Variants in XYLT1 observed in about 807,000 individuals in gnomAD.
XYLT1 encodes the protein beta-D-xylosyltransferase 1.
Under a neutral mutation model 91.3 loss-of-function variants are expected in XYLT1, and 36 were observed. The observed-to-expected ratio is 0.39, with a 90% CI of 0.30 to 0.52. The LOEUF (loss-of-function observed/expected upper bound fraction) is 0.52. Ranked by LOEUF, XYLT1 falls within the 20% of genes least tolerant of loss-of-function variation. The pLI, the probability that XYLT1 is intolerant of heterozygous loss-of-function variation, is 0.68. For missense variants in XYLT1, 1,242 were observed against 1,284.5 expected, an observed-to-expected ratio of 0.97 and a Z score of 0.51; for synonymous variants, 588 against 532.0, an observed-to-expected ratio of 1.11 and a Z score of -1.45.
chr16:17,300,902 C>T (rs1197676228), intron 2 of XYLT1, among the ~76,000 whole-genome samples: 3 of 152,034 alleles, frequency 2.0e-5, no homozygotes, highest in Non-Finnish European at 4.4e-5. Context: ...CTTTAAGCAC[C>T]GTCTAGAGCA....
Position 17,268,667 on chromosome 16 carries a change from CT to C in XYLT1, c.403-9170del, listed in dbSNP as rs56389780. 5.0e-3 allele frequency among the ~76,000 whole-genome samples: 687 copies of C among 138,024 alleles called. 2 individuals carry two copies. The highest frequency in any genetic ancestry group is 0.011 in the Middle Eastern group (3 of 270). 90.5% of individuals were successfully genotyped at this position (138,024 alleles called of 152,430 possible). The stretch of plus-strand genomic sequence containing the variant: ...AGAAATCGAAGTTGAGTGATAAATA[CT>C]TTTTTTTTTTTTTTTTTTCTGAGAC... On this transcript the variant is annotated intron_variant, in intron 2 of 11. Transcript: ENST00000261381.
chr16:17,242,908 C>T (rs1434625059), intron 3 of XYLT1, among the ~76,000 whole-genome samples: 1 of 152,222 alleles, frequency 6.6e-6, no homozygotes, highest in Non-Finnish European at 1.5e-5. Context: ...AGCGTGAAGT[C>T]CCCCAGGTGC....
chr16:17,272,153 GTTTTTTTTTT>G (rs35561235), intron 2 of XYLT1, among the ~76,000 whole-genome samples: 1 of 80,312 alleles, frequency 1.2e-5, no homozygotes, highest in African/African-American at 5.7e-5. Flanking sequence ...TTTGTTGTTG[GTTTTTTTTTT>G]TTTTTTTTTT....
chr16:17,435,837 T>C (rs998141726), intron 1 of XYLT1, among the ~76,000 whole-genome samples: 2 of 152,186 alleles, frequency 1.3e-5, no homozygotes, highest in African/African-American at 2.4e-5. Context: ...TACTGAAGAA[T>C]TTGTATGTAC....
intron 5 of XYLT1, among the ~76,000 whole-genome samples, chr16:17,162,913 G>A (rs1051735692): frequency 6.6e-6 from 1 of 152,200 alleles, no homozygotes; most frequent in Non-Finnish European, 1.5e-5. Context: ...GACTATGAAT[G>A]AATTACTTTC....
chr16:17,268,659 G>A lies in XYLT1; in HGVS notation c.403-9161C>T, dbSNP rs982445712. 2.5e-4 allele frequency among the ~76,000 whole-genome samples: 38 copies of A among 149,034 alleles called. 1 individual carries two copies. The highest frequency in any genetic ancestry group is 8.9e-4 in the African/African-American group (36 of 40,384). ...GAACAGATAGAAATCGAAGTTGAGT[G>A]ATAAATACTTTTTTTTTTTTTTTTT... is the stretch of plus-strand genomic sequence containing the variant. On this transcript the variant is annotated intron_variant, in intron 2 of 11. Coordinates refer to ENST00000261381, the MANE Select transcript of XYLT1 (RefSeq NM_022166.4).
intron 1 of XYLT1, among the ~76,000 whole-genome samples, chr16:17,438,724 T>C (rs1034708276): frequency 2.0e-5 from 3 of 152,034 alleles, no homozygotes; most frequent in African/African-American, 7.3e-5. Context: ...AGCAAGCATA[T>C]GGTGGCAGGA....
chr16:17,194,403 G>A (rs2032383757), intron 5 of XYLT1, among the ~76,000 whole-genome samples: 2 of 152,208 alleles, frequency 1.3e-5, no homozygotes. Flanking sequence ...CAATGCGCAT[G>A]CCTACCTGGC....
intron 5 of XYLT1, among the ~76,000 whole-genome samples, chr16:17,178,805 C>T (rs1249585726): frequency 2.6e-5 from 4 of 152,166 alleles, no homozygotes; most frequent in Admixed American, 6.5e-5. Context: ...CGTGGTGGCT[C>T]ATGCCTGTAA....
intron 3 of XYLT1, among the ~76,000 whole-genome samples, chr16:17,252,211 G>A (rs1476513913): frequency 1.3e-5 from 2 of 152,124 alleles, no homozygotes; most frequent in Non-Finnish European, 2.9e-5. Flanking sequence ...TATATGCATT[G>A]TCTCATTTCA....
At chr16:17,146,137 C>A (rs1244752152) in intron 6 of XYLT1, among the ~76,000 whole-genome samples, 1 of 151,694 alleles carries the variant, frequency 6.6e-6, no homozygotes, top group Non-Finnish European at 1.5e-5. Flanking sequence ...CACTGACATT[C>A]ACTCAGGGGA....
At chr16:17,289,456 T>C (rs1452490430) in intron 2 of XYLT1, among the ~76,000 whole-genome samples, 3 of 152,216 alleles carry the variant, frequency 2.0e-5, no homozygotes, top group Non-Finnish European at 4.4e-5. Flanking sequence ...CAAGTACCTC[T>C]CAACTCAAGG....
At chr16:17,423,061 C>T (rs1322811460) in intron 1 of XYLT1, among the ~76,000 whole-genome samples, 2 of 152,166 alleles carry the variant, frequency 1.3e-5, no homozygotes, top group African/African-American at 2.4e-5. Context: ...CCTTCAATAA[C>T]GATGACTTAA....
chr16:17,327,019 A>C (rs1298705947), intron 2 of XYLT1, among the ~76,000 whole-genome samples: 1 of 152,186 alleles, frequency 6.6e-6, no homozygotes, highest in African/African-American at 2.4e-5. Context: ...CCAAGGACAA[A>C]CACCACCAAC....
At chr16:17,408,823 G>T (rs1007329292) in intron 1 of XYLT1, among the ~76,000 whole-genome samples, 1 of 152,042 alleles carries the variant, frequency 6.6e-6, no homozygotes, top group South Asian at 2.1e-4. Context: ...ACTCCAGCCC[G>T]GGCAACAAGA....
At chr16:17,465,881 CTA>C (rs746847493) in intron 1 of XYLT1, among the ~76,000 whole-genome samples, 1 of 152,158 alleles carries the variant, frequency 6.6e-6, no homozygotes, top group Non-Finnish European at 1.5e-5. Context: ...TCATACAGCC[CTA>C]TGAGGTAGCT....
At chr16:17,335,751 T>C (rs2034971348) in intron 2 of XYLT1, among the ~76,000 whole-genome samples, 1 of 151,912 alleles carries the variant, frequency 6.6e-6, no homozygotes, top group African/African-American at 2.4e-5. Context: ...GCCCTATCCA[T>C]GTAATGTCTG....
At chr16:17,206,557 G>GC (rs1567322791) in intron 3 of XYLT1, among the ~76,000 whole-genome samples, 1 of 152,088 alleles carries the variant, frequency 6.6e-6, no homozygotes, top group Admixed American at 6.5e-5. Flanking sequence ...GCTATCAGAT[G>GC]CATGTCAAAT....
intron 11 of XYLT1, among the ~76,000 whole-genome samples, chr16:17,111,383 G>C (rs1001530295): frequency 6.6e-6 from 1 of 152,152 alleles, no homozygotes; most frequent in Non-Finnish European, 1.5e-5. Flanking sequence ...TTATTGCTCA[G>C]TAGAAGCACA....
Sources: allele counts gnomAD v4.1 joint callset (sites outside exome capture counted in the v4.1 genomes callset), GRCh38; gene constraint gnomAD v4.1.1; transcripts MANE v1.5; gene names NCBI Gene and HGNC (gene_info 2026-07-23, HGNC 2026-07-21).